The following ARRDC5 variants were observed in gnomAD, a reference collection of about 807,000 sequenced individuals.
The protein encoded by ARRDC5 is arrestin domain containing 5.
ARRDC5 carries 12 observed loss-of-function variants against 13.3 expected under a neutral mutation model. The observed-to-expected ratio is 0.90, with a 90% CI of 0.58 to 1.46. ARRDC5 has a LOEUF of 1.46. Ranked by LOEUF, ARRDC5 falls within the 40% of genes most tolerant of loss-of-function variation. ARRDC5 has a pLI of 0.00. For synonymous variants in ARRDC5, 181 were observed against 173.4 expected (o/e 1.04, Z -0.34); for missense variants, 406 against 418.7 (o/e 0.97, Z 0.26).
At chr19:4,903,866 T>C (rs1401612547), upstream of ARRDC5, among the ~76,000 whole-genome samples, 1 of 152,192 alleles carries the variant, frequency 6.6e-6, no homozygotes, top group East Asian at 1.9e-4. Flanking sequence ...GGAAAAAACA[T>C]AGAGATATGG....
At position 4,896,813 on chromosome 19, in the gene ARRDC5, G is replaced by A; in HGVS notation, c.317C>T (p.Pro106Leu). The stretch of plus-strand genomic sequence containing the variant: ...GCCAAATTTGCTGGTGAAGGTAGAA[G>A]GAAGCCTGGGAGGTAAGTTGAAATG... Reference protein sequence around the residue: ...DFHFNLPPRLPSTFTSKFGHV... With the variant: ...DFHFNLPPRLLSTFTSKFGHV... Residue 106 changes from proline to leucine, a missense_variant, in exon 2 of 3, where the codon CCT (proline) becomes CTT (leucine). By Grantham distance (98) the Pro-to-Leu change is moderately conservative. Transcript: ENST00000650722. 3 of 1,613,890 alleles carry A rather than the reference G, an allele frequency of 1.9e-6. No homozygotes were observed. Among genetic ancestry groups the A allele is most frequent in the Non-Finnish European group, 2.5e-6 (3 of 1,179,852 alleles).
At chr19:4,896,357 TTTTTACACACACAC>T (rs1185730503) in intron 2 of ARRDC5, among the ~76,000 whole-genome samples, 7 of 96,064 alleles carry the variant, frequency 7.3e-5, no homozygotes, top group Non-Finnish European at 9.9e-5. Flanking sequence ...TATTTTTTTT[TTTTTACACACACAC>T]ACACACACAC....
rs201951756 is a variant in ARRDC5 at position 4,902,862 on chromosome 19, C to T, written c.-37G>A. The T allele has an allele frequency of 8.6e-4, 1,392 of 1,612,678 alleles. 16 individuals carry two copies. The South Asian group carries it at 0.01, about 12-fold the overall frequency. On this transcript the variant is annotated 5_prime_UTR_variant, in exon 1 of 3. Transcript: ENST00000650722. ...GGGTAGAGAGACATTCCTCTCTGTC[C>T]CCCATGTCCCTGAAATTCCCGGTTC... is the stretch of plus-strand genomic sequence containing the variant.
intron 2 of ARRDC5, 28 bp downstream of exon 2, chr19:4,896,643 C>T (rs374138692): frequency 1.0e-5 from 16 of 1,549,732 alleles, no homozygotes; most frequent in Middle Eastern, 1.8e-4. Context: ...GGAGATTGTT[C>T]CCACCTCCAC....
chr19:4,891,708 A>G (rs1011717787), intron 2 of ARRDC5, 135 bp from the exon 3 acceptor site: 4 of 754,792 alleles, frequency 5.3e-6, no homozygotes, highest in Non-Finnish European at 6.3e-6. Flanking sequence ...TATAATCCCA[A>G]CACCTTGGGA....
In ARRDC5 at chr19:4,896,893, C is replaced by T. The variant is rs779243897; in HGVS notation, c.254-17G>A. ...ACCAATTATCTGAAAGCAAAACACACCGATGCCATCAGAAGGTTCTAGAAT... is the reference window on the plus strand; with the variant it reads ...ACCAATTATCTGAAAGCAAAACACATCGATGCCATCAGAAGGTTCTAGAAT... On this transcript the variant is annotated splice_polypyrimidine_tract_variant and intron_variant, in intron 1 of 2. Coordinates refer to ENST00000650722, the MANE Select transcript of ARRDC5 (RefSeq NM_001080523.3). The T allele has an allele frequency of 1.3e-6, 2 of 1,584,338 alleles. No individual in the cohort carries two copies. The highest frequency in any genetic ancestry group is 1.7e-6 in the Non-Finnish European group (2 of 1,153,480).
intron 1 of ARRDC5, among the ~76,000 whole-genome samples, chr19:4,900,109 C>T (rs2031867484): frequency 6.8e-6 from 1 of 146,550 alleles, no homozygotes; most frequent in African/African-American, 2.5e-5. Flanking sequence ...TGAGCCACCG[C>T]GCCCGGCCAG....
Position 4,894,693 on chromosome 19 carries a change from AAAG to A in ARRDC5, c.459+1975_459+1977del, listed in dbSNP as rs1294812532. 1.3e-3 allele frequency among the ~76,000 whole-genome samples: 178 copies of A among 136,768 alleles called. 1 individual carries two copies. The highest frequency in any genetic ancestry group is 3.4e-3 in the African/African-American group (134 of 39,016). The allele number at this position is 136,768 out of a possible 152,430, so 89.7% of individuals were successfully genotyped here. On this transcript the variant is annotated intron_variant, in intron 2 of 2. Coordinates refer to ENST00000650722, the MANE Select transcript of ARRDC5 (RefSeq NM_001080523.3). ...AATGAGACTGTCTCAAAAAAAAAAA[AAAG>A]AAGAAGAAGGAGAAGGAGAAGGAGA...
At chr19:4,900,994 G>A (rs2031893386) in intron 1 of ARRDC5, among the ~76,000 whole-genome samples, 2 of 151,732 alleles carry the variant, frequency 1.3e-5, no homozygotes, top group South Asian at 4.2e-4. Flanking sequence ...ACTCCAGCCT[G>A]GGCAACGAGT....
At position 4,890,956 on chromosome 19, in the gene ARRDC5, C is replaced by A; in HGVS notation, c.*90G>T. ...GTTGCAGACAACCTGTTGCCCACTC[C>A]TCGACTCCTCTGAGAGTCACCTGTG... On this transcript the variant is annotated 3_prime_UTR_variant, in exon 3 of 3. Coordinates refer to ENST00000650722, the MANE Select transcript of ARRDC5 (RefSeq NM_001080523.3). 1 of 1,158,688 alleles carries A rather than the reference C, an allele frequency of 8.6e-7. No individual in the cohort carries two copies. The highest frequency in any genetic ancestry group is 1.2e-6 in the Non-Finnish European group (1 of 826,056). The allele number at this position is 1,158,688 out of a possible 1,614,324, so 71.8% of individuals were successfully genotyped here.
chr19:4,893,808 C>G (rs187063600), intron 2 of ARRDC5, among the ~76,000 whole-genome samples: 1 of 141,260 alleles, frequency 7.1e-6, no homozygotes, highest in African/African-American at 2.6e-5. Context: ...TTTGGGAGGC[C>G]GAGGTGGGTG....
At chr19:4,899,403 G>C (rs927490539) in intron 1 of ARRDC5, among the ~76,000 whole-genome samples, 8 of 152,016 alleles carry the variant, frequency 5.3e-5, no homozygotes, top group Non-Finnish European at 1.0e-4. Flanking sequence ...GCTGAGGTGG[G>C]GCAGATCACC....
At chr19:4,896,540 G>A (rs961095415) in intron 2 of ARRDC5, 131 bp downstream of exon 2, 12 of 659,148 alleles carry the variant, frequency 1.8e-5, no homozygotes, top group African/African-American at 7.3e-5. Context: ...GTGAAATCTC[G>A]GGGCCTGGGA....
At chr19:4,909,735 G>T in the ARRDC5 span, 2 of 489,792 alleles carry the variant, frequency 4.1e-6, no homozygotes, top group Middle Eastern at 5.2e-4. Flanking sequence ...TTTCCCGCGC[G>T]GCCAGCCCGG....
intron 2 of ARRDC5, among the ~76,000 whole-genome samples, chr19:4,892,023 A>G (rs1292054822): frequency 6.6e-6 from 1 of 151,648 alleles, no homozygotes; most frequent in Non-Finnish European, 1.5e-5. Flanking sequence ...GGAATCTGGA[A>G]GCCTAGGGAT....
rs370333163 is a variant in ARRDC5 at position 4,891,561 on chromosome 19, C to T, written c.472G>A (p.Val158Met). 2.7e-5 allele frequency: 44 copies of T among 1,611,780 alleles called. 1 individual carries two copies. The South Asian group carries it at 3.4e-4, about 13-fold the overall frequency. Reference sequence around the variant, plus strand: ...TAGGAGACTTTCTCCTCAGCCTCCACGAACAAGGGGTTCTAGGAGGATGTG... The same window carrying T: ...TAGGAGACTTTCTCCTCAGCCTCCATGAACAAGGGGTTCTAGGAGGATGTG... ...KETPFQNPLFVEAEEKVSYNC... is the reference protein window; with the variant it reads ...KETPFQNPLFMEAEEKVSYNC... Residue 158 changes from valine (V) to methionine (M), a missense_variant, in exon 3 of 3, where the codon GTG becomes ATG. Coordinates refer to ENST00000650722, the MANE Select transcript of ARRDC5 (RefSeq NM_001080523.3).
At chr19:4,906,176 A>G (rs947420792), upstream of ARRDC5, among the ~76,000 whole-genome samples, 1 of 152,086 alleles carries the variant, frequency 6.6e-6, no homozygotes, top group Non-Finnish European at 1.5e-5. Context: ...AAGGGTTCTC[A>G]CTACGTTGCC....
the ARRDC5 span, among the ~76,000 whole-genome samples, chr19:4,914,984 G>A: frequency 4.6e-5 from 7 of 152,200 alleles, no homozygotes; most frequent in Non-Finnish European, 8.8e-5. Flanking sequence ...GGCTGGGACC[G>A]TCCTGGGCAC....
At chr19:4,915,071 A>G in the ARRDC5 span, among the ~76,000 whole-genome samples, 1 of 152,228 alleles carries the variant, frequency 6.6e-6, no homozygotes, top group African/African-American at 2.4e-5. Context: ...CATGACAACC[A>G]CAAATATTCC....
Sources: gnomAD v4.1 joint callset for allele counts (sites outside exome capture counted in the v4.1 genomes callset) on GRCh38, gnomAD v4.1.1 for gene constraint, MANE v1.5 for transcripts, NCBI Gene and HGNC (gene_info 2026-07-23, HGNC 2026-07-21) for gene names.